MITF: variants seen among roughly 807,000 people sequenced by gnomAD.
The protein encoded by MITF is melanocyte inducing transcription factor.
In MITF, 17 loss-of-function variants were observed where a neutral mutation model predicts 60.5. That is an observed-to-expected ratio of 0.28 (90% confidence interval 0.19 to 0.42). The LOEUF (loss-of-function observed/expected upper bound fraction) is 0.42. MITF is among the 10% of genes least tolerant of loss of function. The probability of loss-of-function intolerance (pLI) is 1.00; values close to 1 mark genes in which losing one functional copy is unlikely to be tolerated. For synonymous variants in MITF, 260 were observed against 248.5 expected (o/e 1.05, Z -0.43); for missense variants, 622 against 683.5 (o/e 0.91, Z 1.00).
chr3:69,859,105 G>A (rs2063968060), intron 1 of MITF, among the ~76,000 whole-genome samples: 1 of 152,172 alleles, frequency 6.6e-6, no homozygotes, highest in African/African-American at 2.4e-5. Flanking sequence ...GAAGGGTGGT[G>A]TGTGTGTCTG....
intron 2 of MITF, among the ~76,000 whole-genome samples, chr3:69,892,030 C>T (rs957851084): frequency 6.6e-6 from 1 of 152,166 alleles, no homozygotes; most frequent in Non-Finnish European, 1.5e-5. Context: ...GTCAGTGAAT[C>T]CATTTGTCCA....
At chr3:69,761,675 C>A (rs116224392) in intron 1 of MITF, among the ~76,000 whole-genome samples, 4,672 of 152,242 alleles carry the variant, frequency 0.031, 121 homozygotes, top group Non-Finnish European at 0.05. Flanking sequence ...TCACAGCATG[C>A]CTGTCTGCAT....
intron 1 of MITF, among the ~76,000 whole-genome samples, chr3:69,861,177 ATAAT>A (rs2064010078): frequency 6.6e-6 from 1 of 152,234 alleles, no homozygotes; most frequent in South Asian, 2.1e-4. Context: ...GACTTTCTTC[ATAAT>A]TAATTAAATG....
chr3:69,752,745 C>T (rs560730343), intron 1 of MITF, among the ~76,000 whole-genome samples: 20 of 152,146 alleles, frequency 1.3e-4, no homozygotes, highest in Non-Finnish European at 2.5e-4. Context: ...AAGAAAAGCA[C>T]AATCCCCTTG....
At chr3:69,764,066 T>C (rs1250160780) in intron 1 of MITF, 29 of 743,708 alleles carry the variant, frequency 3.9e-5, no homozygotes, top group Non-Finnish European at 5.3e-5. Context: ...CTAGATTGCT[T>C]TCTGTTTGTT....
At chr3:69,854,529 C>T (rs992694688) in intron 1 of MITF, among the ~76,000 whole-genome samples, 3 of 152,004 alleles carry the variant, frequency 2.0e-5, no homozygotes, top group Non-Finnish European at 4.4e-5. Context: ...TTTATTGTTG[C>T]ATTGTTTTTA....
intron 1 of MITF, among the ~76,000 whole-genome samples, chr3:69,838,351 C>T (rs1305574505): frequency 4.0e-5 from 4 of 101,016 alleles, no homozygotes; most frequent in Non-Finnish European, 7.6e-5. Flanking sequence ...ACTAATTTTG[C>T]TAAAAAAAAA....
rs373349323 is a variant in MITF at position 69,857,894 on chromosome 3, A to C, written c.105-21240A>C. Among the ~76,000 whole-genome samples the C allele has an allele frequency of 5.1e-4, 78 of 152,262 alleles. 1 individual carries two copies. The South Asian group carries it at 0.016, about 31-fold the overall frequency. On this transcript the variant is annotated intron_variant, in intron 1 of 9. Transcript: ENST00000352241. ...ATGATTTTGTTAACATCTTTTAAAA[A>C]TGAACCAATATTGTTTGATATTAGG...
intron 1 of MITF, among the ~76,000 whole-genome samples, chr3:69,807,308 C>A (rs761753246): frequency 1.3e-5 from 2 of 152,146 alleles, no homozygotes; most frequent in Non-Finnish European, 2.9e-5. Context: ...GTCTTGGCAA[C>A]CTAAGGATCT....
At chr3:69,944,920 T>C (rs1168161168) in intron 5 of MITF, among the ~76,000 whole-genome samples, 1 of 152,196 alleles carries the variant, frequency 6.6e-6, no homozygotes, top group Non-Finnish European at 1.5e-5. Context: ...TAAAGTTTAA[T>C]GTTCTTCGTG....
intron 1 of MITF, among the ~76,000 whole-genome samples, chr3:69,813,969 A>G (rs764944880): frequency 2.6e-4 from 40 of 152,140 alleles, no homozygotes; most frequent in Non-Finnish European, 5.3e-4. Flanking sequence ...TATCAACAAT[A>G]TGGTTCATCA....
At chr3:69,907,333 G>T (rs559528049) in intron 2 of MITF, among the ~76,000 whole-genome samples, 1 of 151,966 alleles carries the variant, frequency 6.6e-6, no homozygotes, top group Non-Finnish European at 1.5e-5. Flanking sequence ...TGTCAAACTG[G>T]TTGAATAAAT....
chr3:69,951,594 G>A (rs1018329696), intron 6 of MITF, among the ~76,000 whole-genome samples: 1 of 151,510 alleles, frequency 6.6e-6, no homozygotes. Context: ...TTACCATTTT[G>A]TGGAAGCCCA....
rs549106229 is a variant in MITF at position 69,744,809 on chromosome 3, G to A, written c.104+5108G>A. 4.5e-4 allele frequency among the ~76,000 whole-genome samples: 68 copies of A among 152,118 alleles called. No individual in the cohort carries two copies. The South Asian group carries it at 0.014, about 31-fold the overall frequency. On this transcript the variant is annotated intron_variant, in intron 1 of 9. Coordinates refer to ENST00000352241, the MANE Select transcript of MITF (RefSeq NM_001354604.2). ...TGTTCAGATAAATATTTTACACTTT[G>A]TATCTTTCATTTAATCATAACAATT... is the stretch of plus-strand genomic sequence containing the variant.
intron 2 of MITF, among the ~76,000 whole-genome samples, chr3:69,911,107 G>A (rs2065215594): frequency 6.6e-6 from 1 of 152,112 alleles, no homozygotes; most frequent in Non-Finnish European, 1.5e-5. Flanking sequence ...TCTCATGATA[G>A]TGAATAAATC....
chr3:69,838,548 C>T (rs1367371), intron 1 of MITF: 1 of 152,412 alleles, frequency 6.6e-6, no homozygotes, highest in East Asian at 1.9e-4. Flanking sequence ...AAACCCTGTG[C>T]GTTTCTGGAG....
At chr3:69,781,065 TAGTG>T (rs1338735645) in intron 1 of MITF, among the ~76,000 whole-genome samples, 1 of 152,084 alleles carries the variant, frequency 6.6e-6, no homozygotes, top group East Asian at 1.9e-4. Context: ...AACCACATAA[TAGTG>T]AGTTTTGTTT....
chr3:69,832,656 G>C (rs2063468818), intron 1 of MITF, among the ~76,000 whole-genome samples: 1 of 151,822 alleles, frequency 6.6e-6, no homozygotes, highest in South Asian at 2.1e-4. Context: ...TAGTCACACT[G>C]TGTGTGGTTG....
intron 1 of MITF, among the ~76,000 whole-genome samples, chr3:69,751,019 G>A (rs867072113): frequency 6.6e-5 from 10 of 152,112 alleles, no homozygotes; most frequent in South Asian, 2.1e-4. Context: ...GTGACTTAGA[G>A]TTAACCTAGC....
Sources: gnomAD v4.1 joint callset for allele counts (sites outside exome capture counted in the v4.1 genomes callset) on GRCh38, gnomAD v4.1.1 for gene constraint, MANE v1.5 for transcripts, NCBI Gene and HGNC (gene_info 2026-07-23, HGNC 2026-07-21) for gene names.